Variants in GLP2R observed in about 807,000 individuals in gnomAD.
GLP2R encodes the protein glucagon-like peptide 2 receptor.
In GLP2R, 59 loss-of-function variants were observed where a neutral mutation model predicts 68.2. The ratio of observed to expected loss-of-function variants is 0.87; its 90% CI spans 0.70 to 1.07. The LOEUF is 1.07. Ranked by LOEUF, GLP2R falls within the 50% of genes least tolerant of loss-of-function variation. GLP2R has a pLI of 0.00. For synonymous variants in GLP2R, 270 were observed against 265.4 expected (o/e 1.02, Z -0.17); for missense variants, 548 against 677.4 (o/e 0.81, Z 2.12).
intron 10 of GLP2R, among the ~76,000 whole-genome samples, chr17:9,878,075 T>A (rs1312691873): frequency 2.6e-5 from 4 of 152,192 alleles, no homozygotes; most frequent in African/African-American, 9.7e-5. Flanking sequence ...AGTCTGTATC[T>A]TGAAAACCCA....
At chr17:9,881,770 T>C (rs919275122) in intron 11 of GLP2R, among the ~76,000 whole-genome samples, 7 of 152,216 alleles carry the variant, frequency 4.6e-5, no homozygotes, top group Middle Eastern at 6.8e-3. Flanking sequence ...CCAGCCTAGA[T>C]TGAAAGAGTA....
intron 3 of GLP2R, 63 bp downstream of exon 3, chr17:9,836,538 C>G (rs545201084): frequency 2.3e-6 from 2 of 878,380 alleles, no homozygotes; most frequent in East Asian, 4.8e-5. Flanking sequence ...CCTCTTCCCC[C>G]ACAAACAGTC....
chr17:9,829,521 C>CG (rs1222756157), intron 1 of GLP2R, among the ~76,000 whole-genome samples: 3 of 152,052 alleles, frequency 2.0e-5, no homozygotes, highest in Non-Finnish European at 4.4e-5. Context: ...AGGCATTCAA[C>CG]GCTAGAGGAT....
intron 10 of GLP2R, 47 bp downstream of exon 10, chr17:9,870,882 T>C (rs755529853): frequency 1.1e-6 from 1 of 874,194 alleles, no homozygotes; most frequent in South Asian, 1.3e-5. Flanking sequence ...TTATTGTAAG[T>C]ACTCTGGCTG....
chr17:9,846,135 A>G (rs2152035266), intron 4 of GLP2R, among the ~76,000 whole-genome samples: 1 of 152,306 alleles, frequency 6.6e-6, no homozygotes, highest in Admixed American at 6.5e-5. Flanking sequence ...TTTCAACTTA[A>G]AGTTGAAAAT....
At chr17:9,829,137 T>C (rs2066658128) in intron 1 of GLP2R, among the ~76,000 whole-genome samples, 2 of 152,146 alleles carry the variant, frequency 1.3e-5, no homozygotes, top group Admixed American at 6.5e-5. Flanking sequence ...AGGGATAGTT[T>C]AGTTTCTAAA....
At chr17:9,838,259 C>G (rs1029423147) in intron 3 of GLP2R, among the ~76,000 whole-genome samples, 1 of 152,190 alleles carries the variant, frequency 6.6e-6, no homozygotes, top group Non-Finnish European at 1.5e-5. Flanking sequence ...GGCAAATTCC[C>G]ACAGCCCCCT....
At chr17:9,879,069 C>A (rs1307812121) in intron 10 of GLP2R, among the ~76,000 whole-genome samples, 4 of 151,876 alleles carry the variant, frequency 2.6e-5, no homozygotes, top group African/African-American at 9.7e-5. Flanking sequence ...CAGTAAAGGG[C>A]AGTTATTTCC....
chr17:9,842,621 G>A lies in GLP2R; in HGVS notation c.504+5G>A, dbSNP rs1183418906. On this transcript the variant is annotated splice_donor_5th_base_variant and intron_variant, in intron 4 of 12. Transcript: ENST00000262441. Reference sequence around the variant, plus strand: ...AACCACAGCTTCAAGCAAAACGTGAGTTTGCTCAGCTCAGTGAGGAGGCAT... The same window carrying A: ...AACCACAGCTTCAAGCAAAACGTGAATTTGCTCAGCTCAGTGAGGAGGCAT... The A allele has an allele frequency of 6.2e-7, 1 of 1,613,272 alleles. No individual in the cohort carries two copies. The highest frequency in any genetic ancestry group is 8.5e-7 in the Non-Finnish European group (1 of 1,179,976).
In GLP2R at chr17:9,826,008, G is replaced by A. The variant is rs2066622719; in HGVS notation, c.-56G>A. 2.1e-6 allele frequency: 3 copies of A among 1,427,054 alleles called. No homozygotes were observed. 88.4% of individuals were successfully genotyped at this position (1,427,054 alleles called of 1,614,324 possible). A position where few individuals can be genotyped will look rare whatever the true frequency, so the allele number is the denominator to read the frequency against. ...GGAATGCAAGAGGAGGCTGCCTGCG[G>A]TGCATCTTGGACGGCTAGAGAGATG... On this transcript the variant is annotated 5_prime_UTR_variant, in exon 1 of 13. In the 5' UTR this introduces an upstream ATG that the reference lacks. Coordinates refer to ENST00000262441, the MANE Select transcript of GLP2R (RefSeq NM_004246.3).
intron 11 of GLP2R, among the ~76,000 whole-genome samples, chr17:9,885,362 A>G (rs1414735103): frequency 6.6e-6 from 1 of 151,778 alleles, no homozygotes; most frequent in Non-Finnish European, 1.5e-5. Context: ...GCCTCATTTT[A>G]ATATTTTTAA....
At chr17:9,836,297 G>A (rs1010394341) in intron 2 of GLP2R, 74 bp from the exon 3 acceptor site, 2 of 994,614 alleles carry the variant, frequency 2.0e-6, no homozygotes, top group Non-Finnish European at 3.2e-6. Context: ...GGGCTCCCAC[G>A]GTGCCTCTGC....
At chr17:9,827,150 T>A (rs1192727040) in intron 1 of GLP2R, among the ~76,000 whole-genome samples, 1 of 151,942 alleles carries the variant, frequency 6.6e-6, no homozygotes, top group East Asian at 1.9e-4. Flanking sequence ...ATTATAGGCA[T>A]GAGCCACTGT....
intron 10 of GLP2R, among the ~76,000 whole-genome samples, chr17:9,876,892 T>C (rs1056559367): frequency 6.6e-6 from 1 of 152,246 alleles, no homozygotes; most frequent in Admixed American, 6.5e-5. Context: ...GTATTGATCA[T>C]TTATCGTGTG....
chr17:9,863,408 G>A lies in GLP2R; in HGVS notation c.1056+1318G>A, dbSNP rs114220189. 2.6e-3 allele frequency among the ~76,000 whole-genome samples: 391 copies of A among 152,332 alleles called. 3 individuals carry two copies. The highest frequency in any genetic ancestry group is 9.1e-3 in the African/African-American group (378 of 41,574). ...TTTACTGGTGAGCACACTGAGATGA[G>A]AAATTACTTGCCTAAAATCATAGAG... On this transcript the variant is annotated intron_variant, in intron 9 of 12. Transcript: ENST00000262441.
intron 6 of GLP2R, 27 bp downstream of exon 6, chr17:9,857,603 T>G: frequency 1.2e-6 from 2 of 1,611,830 alleles, no homozygotes; most frequent in Non-Finnish European, 1.7e-6. Flanking sequence ...CTGTTTACAC[T>G]GGACTCCCCA....
intron 9 of GLP2R, among the ~76,000 whole-genome samples, chr17:9,864,877 G>A (rs1393375782): frequency 6.6e-6 from 1 of 152,128 alleles, no homozygotes; most frequent in African/African-American, 2.4e-5. Flanking sequence ...CTACTGCTTT[G>A]GGCCTTGCTG....
In GLP2R at chr17:9,890,311, T is replaced by TCTGCTCTCCCAGGTCAG; in HGVS notation, c.*610_*626dup. 1 of 318,676 alleles carries TCTGCTCTCCCAGGTCAG rather than the reference T, an allele frequency of 3.1e-6. No homozygotes were observed. Among genetic ancestry groups the TCTGCTCTCCCAGGTCAG allele is most frequent in the Non-Finnish European group, 6.1e-6 (1 of 162,878 alleles). 19.7% of individuals were successfully genotyped at this position (318,676 alleles called of 1,614,324 possible). On this transcript the variant is annotated 3_prime_UTR_variant, in exon 13 of 13. Coordinates refer to ENST00000262441, the MANE Select transcript of GLP2R (RefSeq NM_004246.3). ...CATGGCAGGATGCTGCAAGAGACAGTCTGCTCTCCCAGGTCAGCTGGGGTG... is the reference window on the plus strand; with the variant it reads ...CATGGCAGGATGCTGCAAGAGACAGTCTGCTCTCCCAGGTCAGCTGCTCTCCCAGGTCAGCTGGGGTG...
intron 5 of GLP2R, 26 bp from the exon 6 acceptor site, chr17:9,857,397 A>G: frequency 6.2e-7 from 1 of 1,612,202 alleles, no homozygotes; most frequent in East Asian, 2.2e-5. Context: ...TCCTGAGGGA[A>G]GGCATTTGGT....
Sources: allele counts gnomAD v4.1 joint callset (sites outside exome capture counted in the v4.1 genomes callset), GRCh38; gene constraint gnomAD v4.1.1; transcripts MANE v1.5; gene names NCBI Gene and HGNC (gene_info 2026-07-23, HGNC 2026-07-21).